Variants in PTPRE observed in about 807,000 individuals in gnomAD.
PTPRE encodes the protein receptor-type tyrosine-protein phosphatase epsilon.
A neutral mutation model predicts 102.0 loss-of-function variants in PTPRE; 51 were observed. The observed-to-expected ratio is 0.50, with a 90% CI of 0.40 to 0.63. The LOEUF (loss-of-function observed/expected upper bound fraction) is 0.63. PTPRE is among the 30% of genes least tolerant of loss of function. The probability of loss-of-function intolerance (pLI) is 0.00; values close to 1 mark genes in which losing one functional copy is unlikely to be tolerated. For synonymous variants in PTPRE, 345 were observed against 348.2 expected (o/e 0.99, Z 0.10); for missense variants, 752 against 915.1 (o/e 0.82, Z 2.30).
intron 2 of PTPRE, among the ~76,000 whole-genome samples, chr10:128,033,198 C>A (rs1291193029): frequency 6.6e-6 from 1 of 152,196 alleles, no homozygotes; most frequent in Non-Finnish European, 1.5e-5. Flanking sequence ...CAAAGCATGA[C>A]TTTTCACTTA....
In PTPRE at chr10:128,066,185, C is replaced by A; in HGVS notation, c.834C>A (p.Cys278Ter). The A allele has an allele frequency of 6.2e-7, 1 of 1,613,982 alleles. No homozygotes were observed. The highest frequency in any genetic ancestry group is 8.5e-7 in the Non-Finnish European group (1 of 1,179,828). The change falls in exon 11 of 21, where the codon TGC becomes TGA. Residue 278 changes from cysteine (C) to a stop codon, truncating the protein, a stop_gained. Coordinates refer to ENST00000254667, the MANE Select transcript of PTPRE (RefSeq NM_006504.6). LOFTEE classifies it high-confidence loss of function. ...TCGACTACACCATCCGGAAGTTCTG[C>A]ATACAGCCAGTAAGCATCTCTAGTT... Reference protein sequence around the residue: ...VLVDYTIRKFCIQPQLPDGCK... With the variant: ...VLVDYTIRKF
intron 1 of PTPRE, among the ~76,000 whole-genome samples, chr10:127,937,309 T>C (rs1406299760): frequency 7.2e-5 from 11 of 152,204 alleles, no homozygotes; most frequent in Non-Finnish European, 1.6e-4. Flanking sequence ...TCCAGTACTC[T>C]GTACCATCCA....
intron 1 of PTPRE, among the ~76,000 whole-genome samples, chr10:127,918,276 C>T (rs550401383): frequency 2.6e-5 from 4 of 152,032 alleles, no homozygotes; most frequent in Non-Finnish European, 4.4e-5. Context: ...AGGAGAAAAT[C>T]GGCCTGGTGC....
intron 1 of PTPRE, 26 bp from the exon 2 acceptor site, chr10:127,982,247 AC>A: frequency 8.0e-7 from 1 of 1,254,922 alleles, no homozygotes; most frequent in Non-Finnish European, 1.0e-6. Flanking sequence ...CAGAAAACTG[AC>A]TTTTTTTTTC....
At chr10:128,058,937 A>C (rs1849259999) in intron 7 of PTPRE, among the ~76,000 whole-genome samples, 1 of 152,204 alleles carries the variant, frequency 6.6e-6, no homozygotes, top group African/African-American at 2.4e-5. Flanking sequence ...GGTGCTTTGC[A>C]TGTCAGGCAG....
At chr10:128,066,652 T>C (rs1004595336) in intron 11 of PTPRE, among the ~76,000 whole-genome samples, 1 of 152,162 alleles carries the variant, frequency 6.6e-6, no homozygotes, top group African/African-American at 2.4e-5. Context: ...TAAAAATATG[T>C]GTATGCAAAG....
chr10:127,980,337 CCT>C (rs1491331947), intron 1 of PTPRE, among the ~76,000 whole-genome samples: 5 of 126,938 alleles, frequency 3.9e-5, no homozygotes, highest in African/African-American at 1.8e-4. Flanking sequence ...ATATACAAAT[CCT>C]TTTTTTTTTT....
chr10:128,080,546 A>G (rs1851614608), intron 20 of PTPRE, among the ~76,000 whole-genome samples: 1 of 152,236 alleles, frequency 6.6e-6, no homozygotes, highest in African/African-American at 2.4e-5. Context: ...AGTAGCATAC[A>G]GAGCTTCCCC....
chr10:128,070,349 G>A lies in PTPRE; in HGVS notation c.1192G>A (p.Gly398Arg), dbSNP rs568266268. ...AGCCTTACTCGAGTACTACCTCTAC[G>A]GGGACACAGAGCTGGACGTGTCCTC... ...YQALLEYYLY[G>R]DTELDVSSLE... is the part of the protein sequence containing the mutation. Residue 398 changes from glycine (G) to arginine (R), a missense_variant, in exon 14 of 21, where the codon GGG (glycine) becomes AGG (arginine). Physicochemically the swap from Gly to Arg is moderately radical, Grantham distance 125 (BLOSUM62 -2). Around this residue, in one of 2 missense-constraint regions of PTPRE, gnomAD observed 636 missense variants for 824.4 expected, o/e 0.77. Coordinates refer to ENST00000254667, the MANE Select transcript of PTPRE (RefSeq NM_006504.6). This position sits in a 1 kb window ranked among gnomAD's most constrained non-coding sequence, Gnocchi z 4.8. The A allele has an allele frequency of 5.0e-6, 8 of 1,614,040 alleles. No homozygotes were observed. The highest frequency in any genetic ancestry group is 2.2e-5 in the South Asian group (2 of 91,060).
intron 1 of PTPRE, among the ~76,000 whole-genome samples, chr10:127,915,257 C>T (rs1342986463): frequency 6.6e-6 from 1 of 152,138 alleles, no homozygotes; most frequent in Non-Finnish European, 1.5e-5. Flanking sequence ...CAAATCATCC[C>T]AAAACTTACA....
At chr10:128,059,342 ACCCG>A (rs920913883) in intron 7 of PTPRE, among the ~76,000 whole-genome samples, 1 of 152,050 alleles carries the variant, frequency 6.6e-6, no homozygotes, top group Non-Finnish European at 1.5e-5. Flanking sequence ...TCAGAGCTAT[ACCCG>A]CCCTTTCTCT....
chr10:127,908,701 G>A (rs772582434), intron 1 of PTPRE, among the ~76,000 whole-genome samples: 2 of 152,178 alleles, frequency 1.3e-5, no homozygotes, highest in Non-Finnish European at 2.9e-5. Flanking sequence ...CAGTGAGAGA[G>A]GCCTGACGTA....
intron 2 of PTPRE, among the ~76,000 whole-genome samples, chr10:128,027,105 T>A (rs1024868544): frequency 2.0e-5 from 3 of 152,210 alleles, no homozygotes; most frequent in Non-Finnish European, 4.4e-5. Flanking sequence ...CTTATAGTAG[T>A]CCCTATTTCC....
intron 1 of PTPRE, among the ~76,000 whole-genome samples, chr10:127,952,335 GC>G (rs200285998): frequency 3.9e-4 from 25 of 63,522 alleles, no homozygotes; most frequent in South Asian, 3.9e-3. Flanking sequence ...TGCCCACCCC[GC>G]CCCCCCTAGC....
At chr10:128,080,566 T>C (rs1851616511) in intron 20 of PTPRE, among the ~76,000 whole-genome samples, 1 of 152,232 alleles carries the variant, frequency 6.6e-6, no homozygotes, top group African/African-American at 2.4e-5. Flanking sequence ...CTAGTCTTTT[T>C]AGGGACTCAC....
At chr10:128,024,130 C>A (rs1468424683) in intron 2 of PTPRE, among the ~76,000 whole-genome samples, 1 of 152,196 alleles carries the variant, frequency 6.6e-6, no homozygotes. Flanking sequence ...TGTCTTTCAT[C>A]TTTGGTTTTA....
At chr10:127,918,422 G>A (rs1589728430) in intron 1 of PTPRE, among the ~76,000 whole-genome samples, 1 of 152,048 alleles carries the variant, frequency 6.6e-6, no homozygotes, top group Admixed American at 6.6e-5. Context: ...AGCCCAGCAT[G>A]GTGGTGGGCG....
intron 2 of PTPRE, among the ~76,000 whole-genome samples, chr10:127,985,185 G>A (rs1047627428): frequency 6.6e-6 from 1 of 152,252 alleles, no homozygotes; most frequent in Non-Finnish European, 1.5e-5. Context: ...CGTGCTGGAT[G>A]AACACATCAG....
intron 1 of PTPRE, among the ~76,000 whole-genome samples, chr10:127,939,032 CAGTT>C (rs1190021710): frequency 2.0e-5 from 3 of 152,184 alleles, no homozygotes; most frequent in African/African-American, 7.2e-5. Flanking sequence ...CTGGCCACTA[CAGTT>C]ACATTTTTCC....
Sources: allele counts gnomAD v4.1 joint callset (sites outside exome capture counted in the v4.1 genomes callset), GRCh38; gene constraint gnomAD v4.1.1; regional missense constraint gnomAD v4.1.1; non-coding constraint Gnocchi (gnomAD v3.1); transcripts MANE v1.5; gene names NCBI Gene and HGNC (gene_info 2026-07-23, HGNC 2026-07-21).